The following DLC1 variants were observed in gnomAD, a reference collection of about 807,000 sequenced individuals.
The protein encoded by DLC1 is DLC1 Rho GTPase activating protein.
In DLC1, 54 loss-of-function variants were observed where a neutral mutation model predicts 140.3. The observed-to-expected ratio is 0.38, with a 90% CI of 0.31 to 0.48. The LOEUF is 0.48. DLC1 is among the 20% of genes least tolerant of loss of function. The pLI is 0.96. For synonymous variants in DLC1, 986 were observed against 728.1 expected, an observed-to-expected ratio of 1.35 and a Z score of -5.70; for missense variants, 2,536 against 1,907.0, an observed-to-expected ratio of 1.33 and a Z score of -6.14.
At chr8:13,168,954 G>C (rs1282153316) in intron 5 of DLC1, among the ~76,000 whole-genome samples, 1 of 152,178 alleles carries the variant, frequency 6.6e-6, no homozygotes, top group Non-Finnish European at 1.5e-5. Flanking sequence ...CATAATGTTA[G>C]GGGGAGCACA....
intron 4 of DLC1, among the ~76,000 whole-genome samples, chr8:13,363,274 T>C (rs1586210621): frequency 6.6e-6 from 1 of 152,290 alleles, no homozygotes; most frequent in East Asian, 1.9e-4. Context: ...GGCAGAGTCA[T>C]TGCTTTCTGT....
At chr8:13,146,169 G>A (rs1056114925) in intron 5 of DLC1, among the ~76,000 whole-genome samples, 7 of 151,896 alleles carry the variant, frequency 4.6e-5, no homozygotes, top group African/African-American at 1.7e-4. Flanking sequence ...CAGCTACTCG[G>A]GAGGCTGAGG....
chr8:13,318,419 G>T (rs578043453), intron 4 of DLC1, among the ~76,000 whole-genome samples: 1 of 152,160 alleles, frequency 6.6e-6, no homozygotes, highest in African/African-American at 2.4e-5. Flanking sequence ...TAGAGACAAG[G>T]TCATTTAATT....
chr8:13,195,472 G>C (rs952529070), intron 5 of DLC1, among the ~76,000 whole-genome samples: 2 of 152,184 alleles, frequency 1.3e-5, no homozygotes, highest in African/African-American at 4.8e-5. Flanking sequence ...ACAGCTCTTT[G>C]CTACTTAGAT....
chr8:13,358,072 C>A (rs751101310), intron 4 of DLC1, among the ~76,000 whole-genome samples: 1 of 151,940 alleles, frequency 6.6e-6, no homozygotes, highest in Non-Finnish European at 1.5e-5. Context: ...TTCTGAAAAC[C>A]TGCAGACAAA....
At chr8:13,473,291 T>C (rs1221745155) in intron 2 of DLC1, among the ~76,000 whole-genome samples, 2 of 152,140 alleles carry the variant, frequency 1.3e-5, no homozygotes, top group African/African-American at 4.8e-5. Context: ...AAGGACCTGG[T>C]GGGAGGTAAT....
intron 5 of DLC1, among the ~76,000 whole-genome samples, chr8:13,196,925 T>C (rs1827095433): frequency 6.6e-6 from 1 of 152,232 alleles, no homozygotes. Flanking sequence ...CTTAGAACTT[T>C]CTACAGTTTA....
chr8:13,587,816 C>T (rs896662736), intron 1 of DLC1, among the ~76,000 whole-genome samples: 1 of 151,702 alleles, frequency 6.6e-6, no homozygotes, highest in Admixed American at 6.6e-5. Context: ...GTACTCTACT[C>T]TCAGATTCAC....
chr8:13,449,994 C>G (rs948501313), intron 2 of DLC1, among the ~76,000 whole-genome samples: 2 of 151,760 alleles, frequency 1.3e-5, no homozygotes, highest in Admixed American at 6.6e-5. Flanking sequence ...TTCCCCAACT[C>G]TGTATTATTG....
At chr8:13,271,844 T>G (rs1429267917) in intron 5 of DLC1, among the ~76,000 whole-genome samples, 1 of 152,186 alleles carries the variant, frequency 6.6e-6, no homozygotes, top group Non-Finnish European at 1.5e-5. Flanking sequence ...CCTGGCTAAA[T>G]TTTTAAATTT....
At chr8:13,493,931 A>C (rs1245256028) in intron 2 of DLC1, among the ~76,000 whole-genome samples, 1 of 152,194 alleles carries the variant, frequency 6.6e-6, no homozygotes, top group East Asian at 1.9e-4. Flanking sequence ...TTAAATATAG[A>C]ATAAGGAGAA....
intron 5 of DLC1, among the ~76,000 whole-genome samples, chr8:13,246,904 C>G (rs1829789919): frequency 6.6e-6 from 1 of 152,094 alleles, no homozygotes; most frequent in South Asian, 2.1e-4. Flanking sequence ...ACTGTTCATG[C>G]TTGTTTTGTT....
chr8:13,157,764 A>C (rs1824362279), intron 5 of DLC1, among the ~76,000 whole-genome samples: 2 of 152,366 alleles, frequency 1.3e-5, no homozygotes, highest in South Asian at 2.1e-4. Context: ...CACACTCTGC[A>C]TGGAAACTTA....
At chr8:13,571,473 T>A (rs1311785725) in intron 1 of DLC1, among the ~76,000 whole-genome samples, 3 of 152,332 alleles carry the variant, frequency 2.0e-5, no homozygotes, top group South Asian at 2.1e-4. Flanking sequence ...GTCTTTGTCA[T>A]TTTGTGTCTG....
chr8:13,375,735 A>ATTT (rs369790217), intron 4 of DLC1, among the ~76,000 whole-genome samples: 17,283 of 150,608 alleles, frequency 0.11, 2,226 homozygotes, highest in African/African-American at 0.33. Flanking sequence ...TTTTATTTTT[A>ATTT]TTTTTTTGCT....
chr8:13,302,469 C>A (rs1832240975), intron 5 of DLC1, among the ~76,000 whole-genome samples: 1 of 152,034 alleles, frequency 6.6e-6, no homozygotes, highest in Non-Finnish European at 1.5e-5. Context: ...AGAAATGATC[C>A]CACTGAGCTG....
chr8:13,218,966 TTATATACGTATATAAC>T (rs1356469574), intron 5 of DLC1, among the ~76,000 whole-genome samples: 14 of 109,022 alleles, frequency 1.3e-4, no homozygotes, highest in African/African-American at 4.1e-4. Flanking sequence ...ACGTATATAA[TTATATACGTATATAAC>T]TATATAATTA....
chr8:13,544,496 G>A (rs939035355), intron 1 of DLC1, among the ~76,000 whole-genome samples: 1 of 152,160 alleles, frequency 6.6e-6, no homozygotes, highest in Non-Finnish European at 1.5e-5. Flanking sequence ...GAGGTGCAGA[G>A]ATGGGAGGAT....
chr8:13,113,971 T>C (rs1194196776), intron 6 of DLC1, among the ~76,000 whole-genome samples: 1 of 152,222 alleles, frequency 6.6e-6, no homozygotes, highest in East Asian at 1.9e-4. Flanking sequence ...TCACCCAACC[T>C]CTGTTTGAAA....
Sources: allele counts gnomAD v4.1 joint callset (sites outside exome capture counted in the v4.1 genomes callset), GRCh38; gene constraint gnomAD v4.1.1; transcripts MANE v1.5; gene names NCBI Gene and HGNC (gene_info 2026-07-23, HGNC 2026-07-21).